The following MB21D2 variants were observed in gnomAD, a reference collection of about 807,000 sequenced individuals.
The protein encoded by MB21D2 is nucleotidyltransferase MB21D2.
Under a neutral mutation model 33.3 loss-of-function variants are expected in MB21D2, and 9 were observed. The ratio of observed to expected loss-of-function variants is 0.27; its 90% confidence interval spans 0.16 to 0.47. MB21D2 has a LOEUF of 0.47. MB21D2 is among the 20% of genes least tolerant of loss of function. The pLI is 0.99. For missense variants in MB21D2, 540 were observed against 624.6 expected, an observed-to-expected ratio of 0.86 and a Z score of 1.44; for synonymous variants, 241 against 236.3, an observed-to-expected ratio of 1.02 and a Z score of -0.18.
Position 192,801,537 on chromosome 3 carries a change from C to T in MB21D2, c.212-1887G>A, listed in dbSNP as rs548024822. Among the ~76,000 whole-genome samples, 31 of 152,226 alleles carry T rather than the reference C, an allele frequency of 2.0e-4. No individual in the cohort carries two copies. The South Asian group carries it at 5.8e-3, about 29-fold the overall frequency. ...CTGGGGCCTGTGGTAGGTGATCAGG[C>T]GTGAGAGTGGAACCCTCATGAGTGG... is the stretch of plus-strand genomic sequence containing the variant. On this transcript the variant is annotated intron_variant, in intron 1 of 1. Transcript: ENST00000392452.
At chr3:192,865,269 A>AT (rs1713145471) in intron 1 of MB21D2, among the ~76,000 whole-genome samples, 2 of 152,194 alleles carry the variant, frequency 1.3e-5, no homozygotes, top group African/African-American at 4.8e-5. Context: ...ATCAGCATGA[A>AT]TGAGGCTGGA....
At chr3:192,830,788 T>C (rs775203650) in intron 1 of MB21D2, among the ~76,000 whole-genome samples, 1 of 152,224 alleles carries the variant, frequency 6.6e-6, no homozygotes, top group Non-Finnish European at 1.5e-5. Flanking sequence ...AGCCTGCATT[T>C]GGGACCTAAT....
chr3:192,899,212 C>G (rs1336873091), intron 1 of MB21D2, among the ~76,000 whole-genome samples: 7 of 152,086 alleles, frequency 4.6e-5, no homozygotes, highest in African/African-American at 1.7e-4. Context: ...GCTGGGTTTC[C>G]AAGAACCTTG....
chr3:192,890,586 GA>G (rs796870011), intron 1 of MB21D2, among the ~76,000 whole-genome samples: 12,242 of 125,020 alleles, frequency 0.098, 1,174 homozygotes, highest in African/African-American at 0.26. Flanking sequence ...AATGATTACA[GA>G]AAAAAAAAAA....
chr3:192,833,041 CTTTTT>C (rs397728123), intron 1 of MB21D2, among the ~76,000 whole-genome samples: 1 of 146,228 alleles, frequency 6.8e-6, no homozygotes, highest in African/African-American at 2.5e-5. Flanking sequence ...TCCTTTAGAC[CTTTTT>C]TTTTTTGGAA....
At position 192,843,049 on chromosome 3, in the gene MB21D2, C is replaced by A. The variant is rs188045659; in HGVS notation, c.212-43399G>T. ...GTTAGTGCCCAGCTAGCTTAGAATG[C>A]ATGGGAGGTCTTTTAGCCTACACTC... On this transcript the variant is annotated intron_variant, in intron 1 of 1. Transcript: ENST00000392452. Among the ~76,000 whole-genome samples the A allele has an allele frequency of 1.7e-3, 261 of 152,284 alleles. 1 individual carries two copies. The highest frequency in any genetic ancestry group is 5.7e-3 in the African/African-American group (238 of 41,544).
chr3:192,910,321 T>G (rs1054530273), intron 1 of MB21D2, among the ~76,000 whole-genome samples: 1 of 139,262 alleles, frequency 7.2e-6, no homozygotes. Flanking sequence ...AAAAAAAAAA[T>G]TTAAAAATTA....
At chr3:192,886,731 G>A (rs1318867328) in intron 1 of MB21D2, among the ~76,000 whole-genome samples, 1 of 151,958 alleles carries the variant, frequency 6.6e-6, no homozygotes, top group Non-Finnish European at 1.5e-5. Flanking sequence ...TAACCCTTAC[G>A]TTTTTGAATT....
chr3:192,807,323 T>G (rs2108610611), intron 1 of MB21D2, among the ~76,000 whole-genome samples: 1 of 127,974 alleles, frequency 7.8e-6, no homozygotes, highest in Non-Finnish European at 1.6e-5. Flanking sequence ...GAAGGCTCAT[T>G]CTTGAAAGGC....
intron 1 of MB21D2, among the ~76,000 whole-genome samples, chr3:192,904,179 A>G (rs1487615724): frequency 6.6e-6 from 1 of 152,172 alleles, no homozygotes; most frequent in African/African-American, 2.4e-5. Context: ...ACGTTTTCCC[A>G]TTCAAAGAGA....
At chr3:192,905,701 T>C (rs959703547) in intron 1 of MB21D2, among the ~76,000 whole-genome samples, 4 of 146,594 alleles carry the variant, frequency 2.7e-5, no homozygotes, top group Non-Finnish European at 5.9e-5. Flanking sequence ...CATGGAGGTG[T>C]GTGTGCCTGT....
At chr3:192,866,892 C>T (rs1482218668) in intron 1 of MB21D2, among the ~76,000 whole-genome samples, 1 of 152,120 alleles carries the variant, frequency 6.6e-6, no homozygotes, top group Non-Finnish European at 1.5e-5. Flanking sequence ...GCTTCACACA[C>T]CTAGAAACTG....
At chr3:192,834,199 C>T (rs2108622017) in intron 1 of MB21D2, among the ~76,000 whole-genome samples, 1 of 152,070 alleles carries the variant, frequency 6.6e-6, no homozygotes, top group African/African-American at 2.4e-5. Context: ...CACCTATAGT[C>T]CCAGCTACTC....
intron 1 of MB21D2, among the ~76,000 whole-genome samples, chr3:192,874,583 C>G (rs887242570): frequency 6.6e-6 from 1 of 152,140 alleles, no homozygotes; most frequent in Admixed American, 6.5e-5. Flanking sequence ...TGTCAAAACG[C>G]CCTTAAAAAT....
intron 1 of MB21D2, among the ~76,000 whole-genome samples, chr3:192,859,063 C>CA (rs1333269771): frequency 1.3e-5 from 2 of 152,128 alleles, no homozygotes; most frequent in Non-Finnish European, 2.9e-5. Flanking sequence ...GCTCACAGAG[C>CA]AACTTCCACA....
At chr3:192,894,208 G>A (rs1435122748) in intron 1 of MB21D2, among the ~76,000 whole-genome samples, 5 of 151,760 alleles carry the variant, frequency 3.3e-5, no homozygotes, top group Non-Finnish European at 4.4e-5. Flanking sequence ...GACTCAAAAC[G>A]ACCTCTGCCT....
intron 1 of MB21D2, among the ~76,000 whole-genome samples, chr3:192,905,420 C>T (rs140114226): frequency 2.0e-5 from 3 of 151,996 alleles, no homozygotes; most frequent in African/African-American, 4.8e-5. Flanking sequence ...GGGCGGATCA[C>T]GAGGTCAGGA....
chr3:192,819,772 T>G (rs1712005109), intron 1 of MB21D2, among the ~76,000 whole-genome samples: 1 of 152,170 alleles, frequency 6.6e-6, no homozygotes, highest in Non-Finnish European at 1.5e-5. Context: ...AGACTTTACT[T>G]TTCGCCAACT....
intron 1 of MB21D2, among the ~76,000 whole-genome samples, chr3:192,880,757 C>G (rs1166880616): frequency 6.6e-6 from 1 of 152,098 alleles, no homozygotes; most frequent in Non-Finnish European, 1.5e-5. Flanking sequence ...CCACCTGTTC[C>G]AAAGACATAA....
Sources: gnomAD v4.1 joint callset for allele counts (sites outside exome capture counted in the v4.1 genomes callset) on GRCh38, gnomAD v4.1.1 for gene constraint, MANE v1.5 for transcripts, NCBI Gene and HGNC (gene_info 2026-07-23, HGNC 2026-07-21) for gene names.